The following IMPG1 variants were observed in gnomAD, a reference collection of about 807,000 sequenced individuals.
The protein encoded by IMPG1 is interphotoreceptor matrix proteoglycan of 150 kDa.
Under a neutral mutation model 92.0 loss-of-function variants are expected in IMPG1, and 85 were observed. The ratio of observed to expected loss-of-function variants is 0.92; its 90% CI spans 0.78 to 1.11. The LOEUF (loss-of-function observed/expected upper bound fraction) is 1.11, where lower values mean the gene tolerates loss of function less well. Among genes scored for constraint, IMPG1 ranks in the 50% least tolerant of loss-of-function variants. The pLI, the probability that IMPG1 is intolerant of heterozygous loss-of-function variation, is 0.00. For missense variants in IMPG1, 1,022 were observed against 956.0 expected (o/e 1.07, Z -0.91); for synonymous variants, 367 against 334.1 (o/e 1.10, Z -1.08).
intron 6 of IMPG1, among the ~76,000 whole-genome samples, chr6:76,019,470 A>G (rs1370761805): frequency 1.3e-5 from 2 of 152,224 alleles, no homozygotes; most frequent in African/African-American, 4.8e-5. Flanking sequence ...AGAAGCTGAA[A>G]GAAGAGAACA....
rs1483353482 is a variant in IMPG1 at position 76,002,996 on chromosome 6, C to G, written c.1213G>C (p.Asp405His). Residue 405 changes from aspartate (D) to histidine (H), a missense_variant and splice_region_variant, in exon 12 of 17, where the codon GAT (aspartate) becomes CAT (histidine). By Grantham distance (81) the Asp-to-His change is moderately conservative. Transcript: ENST00000369950. ...GGAAGTTCTGGACTCAAAGTAGCAT[C>G]CTGAAGAATGAATTTTGCAAGACAG... ...LPTSFAVITE[D>H]ATLSPELPPV... 5 of 1,611,326 alleles carry G rather than the reference C, an allele frequency of 3.1e-6. No homozygotes were observed. The highest frequency in any genetic ancestry group is 1.3e-5 in the African/African-American group (1 of 74,786).
At position 75,931,147 on chromosome 6, in the gene IMPG1, A is replaced by G. The variant is rs1781662985; in HGVS notation, c.2049T>C (p.Asp683=). 1 of 1,611,122 alleles carries G rather than the reference A, an allele frequency of 6.2e-7. No individual in the cohort carries two copies. ...CCAGGAACTTGCAGGGATCTGCTTGATCAGCTGTAAGAAATGGGGCAGATT... is the reference window on the plus strand; with the variant it reads ...CCAGGAACTTGCAGGGATCTGCTTGGTCAGCTGTAAGAAATGGGGCAGATT... The part of the protein sequence containing the change: ...DSYSLNIEPA[D]QADPCKFLAC... Residue 683 remains aspartate (D), a synonymous_variant, in exon 15 of 17, where the codon GAT becomes GAC. Transcript: ENST00000369950.
chr6:75,924,638 TATA>T (rs1227392438), intron 15 of IMPG1, among the ~76,000 whole-genome samples: 1 of 20,758 alleles, frequency 4.8e-5, no homozygotes, highest in African/African-American at 1.9e-4. Flanking sequence ...TTATATATTA[TATA>T]TAATTAATTA....
chr6:75,959,810 G>T (rs1223528098), intron 12 of IMPG1, among the ~76,000 whole-genome samples: 2 of 152,188 alleles, frequency 1.3e-5, no homozygotes, highest in African/African-American at 2.4e-5. Context: ...TCCATGGGGG[G>T]TGGGATCTGC....
chr6:75,947,349 A>T lies in IMPG1; in HGVS notation c.2009T>A (p.Leu670Gln). ...FRSAAAQQLHLEIDSYSLNIE... is the reference protein window; with the variant it reads ...FRSAAAQQLHQEIDSYSLNIE... ...GTTGAGAGAGTAGCTGTCTATTTCC[A>T]GATGGAGTTGTTGGGCTGCAGCAGA... Residue 670 changes from leucine (L) to glutamine (Q), a missense_variant, in exon 14 of 17, where the codon CTG becomes CAG. Around this residue, in one of 3 missense-constraint regions of IMPG1, gnomAD observed 332 missense variants for 346.2 expected, o/e 0.96. Transcript: ENST00000369950. 6.2e-7 allele frequency: 1 copy of T among 1,613,960 alleles called. No individual in the cohort carries two copies. The highest frequency in any genetic ancestry group is 8.5e-7 in the Non-Finnish European group (1 of 1,179,870).
At chr6:76,039,510 C>T (rs1265614691) in intron 2 of IMPG1, among the ~76,000 whole-genome samples, 1 of 152,152 alleles carries the variant, frequency 6.6e-6, no homozygotes, top group Non-Finnish European at 1.5e-5. Context: ...CGTGCGCCAC[C>T]ATGCCCAGCT....
intron 1 of IMPG1, among the ~76,000 whole-genome samples, chr6:76,053,974 T>A (rs1562385801): frequency 6.6e-6 from 1 of 152,154 alleles, no homozygotes; most frequent in Non-Finnish European, 1.5e-5. Flanking sequence ...TCTTTGCCTG[T>A]TAACTTTTGG....
chr6:76,018,914 T>C (rs1386570688), intron 6 of IMPG1, 56 bp from the exon 7 acceptor site: 4 of 1,463,752 alleles, frequency 2.7e-6, no homozygotes, highest in Non-Finnish European at 3.7e-6. Flanking sequence ...AAATAAATGG[T>C]TATTTTAGAT....
At chr6:75,979,395 C>T (rs763162644) in intron 12 of IMPG1, among the ~76,000 whole-genome samples, 5 of 152,162 alleles carry the variant, frequency 3.3e-5, no homozygotes. Context: ...AATGAAGTGG[C>T]AGTGCTGAAC....
chr6:76,052,129 T>C (rs1784052805), intron 1 of IMPG1, among the ~76,000 whole-genome samples: 1 of 152,090 alleles, frequency 6.6e-6, no homozygotes, highest in African/African-American at 2.4e-5. Context: ...GAAAAGGAAG[T>C]TGCCTCTTTC....
chr6:75,982,676 AAAG>A (rs1436305497), intron 12 of IMPG1, among the ~76,000 whole-genome samples: 1 of 151,782 alleles, frequency 6.6e-6, no homozygotes, highest in African/African-American at 2.4e-5. Flanking sequence ...CACCTGCAAC[AAAG>A]AATGCCCAAA....
At chr6:75,974,603 G>T (rs938289282) in intron 12 of IMPG1, among the ~76,000 whole-genome samples, 9 of 151,270 alleles carry the variant, frequency 5.9e-5, no homozygotes, top group Non-Finnish European at 1.2e-4. Context: ...CCGAGTAGCT[G>T]GGATTACAAT....
intron 8 of IMPG1, among the ~76,000 whole-genome samples, chr6:76,010,713 T>G (rs972158208): frequency 6.6e-6 from 1 of 152,228 alleles, no homozygotes; most frequent in Non-Finnish European, 1.5e-5. Flanking sequence ...TAGCTATGAC[T>G]TTTTATTGTT....
At chr6:76,035,033 C>T (rs2794281) in intron 2 of IMPG1, among the ~76,000 whole-genome samples, 85,147 of 151,228 alleles carry the variant, frequency 0.56, 24,686 homozygotes, top group Non-Finnish European at 0.64. Context: ...TGTGTGTGTG[C>T]AAAACTGCAG....
chr6:75,983,092 A>T (rs1424944197), intron 12 of IMPG1, among the ~76,000 whole-genome samples: 1 of 151,830 alleles, frequency 6.6e-6, no homozygotes, highest in African/African-American at 2.4e-5. Flanking sequence ...TCAGCACTAA[A>T]TGGGAACTAT....
intron 12 of IMPG1, among the ~76,000 whole-genome samples, chr6:75,984,770 TC>T (rs1164320818): frequency 1.3e-5 from 2 of 152,160 alleles, no homozygotes; most frequent in African/African-American, 4.8e-5. Flanking sequence ...CTTAGTGCCA[TC>T]CCCTTGGCTA....
At chr6:75,989,408 C>T (rs1004037557) in intron 12 of IMPG1, among the ~76,000 whole-genome samples, 1 of 152,176 alleles carries the variant, frequency 6.6e-6, no homozygotes. Context: ...AAAGATCATT[C>T]AAGAATGTCC....
At chr6:76,010,043 C>T (rs1226391184) in intron 8 of IMPG1, among the ~76,000 whole-genome samples, 1 of 152,206 alleles carries the variant, frequency 6.6e-6, no homozygotes, top group Non-Finnish European at 1.5e-5. Flanking sequence ...AATGAGTCTG[C>T]TTTGGTAGAT....
chr6:75,934,720 C>T (rs2314089), intron 14 of IMPG1, among the ~76,000 whole-genome samples: 142,940 of 152,126 alleles, frequency 0.94, 67,731 homozygotes, highest in East Asian at 1. Flanking sequence ...GAAAATAGGC[C>T]TTCCCTCTCT....
Sources: gnomAD v4.1 joint callset for allele counts (sites outside exome capture counted in the v4.1 genomes callset) on GRCh38, gnomAD v4.1.1 for gene constraint, gnomAD v4.1.1 regional missense constraint, MANE v1.5 for transcripts, NCBI Gene and HGNC (gene_info 2026-07-23, HGNC 2026-07-21) for gene names.